ZCWPW2: variants seen among roughly 807,000 people sequenced by gnomAD.
ZCWPW2 encodes zinc finger CW-type PWWP domain protein 2.
In ZCWPW2, 45 loss-of-function variants were observed where a neutral mutation model predicts 46.6. That is an observed-to-expected ratio of 0.96 (90% CI 0.76 to 1.24). The LOEUF (loss-of-function observed/expected upper bound fraction) is 1.24. ZCWPW2 is among the 50% of genes most tolerant of loss of function. The probability of loss-of-function intolerance (pLI) is 0.00; values close to 1 mark genes in which losing one functional copy is unlikely to be tolerated. For synonymous variants in ZCWPW2, 152 were observed against 137.1 expected (o/e 1.11, Z -0.76); for missense variants, 429 against 403.9 (o/e 1.06, Z -0.53).
intron 8 of ZCWPW2, among the ~76,000 whole-genome samples, chr3:28,520,280 G>A (rs1205832739): frequency 2.0e-5 from 3 of 152,050 alleles, no homozygotes; most frequent in Admixed American, 6.6e-5. Flanking sequence ...GGGATTACAG[G>A]CGTAAGCATG....
intron 1 of ZCWPW2, among the ~76,000 whole-genome samples, chr3:28,357,797 T>TTATATATATATATATATATATATATA (rs3068920): frequency 6.4e-5 from 9 of 140,406 alleles, no homozygotes; most frequent in African/African-American, 2.4e-4. Flanking sequence ...TTGGTATATT[T>TTATATATATATATATATATATATATA]TATATATATA....
chr3:28,498,092 T>G (rs948083253), intron 6 of ZCWPW2, among the ~76,000 whole-genome samples: 1 of 152,016 alleles, frequency 6.6e-6, no homozygotes, highest in African/African-American at 2.4e-5. Flanking sequence ...ATAATAAATA[T>G]CTGAGTCAAG....
At chr3:28,403,278 A>C (rs1261231367) in intron 2 of ZCWPW2, among the ~76,000 whole-genome samples, 4 of 152,210 alleles carry the variant, frequency 2.6e-5, no homozygotes, top group African/African-American at 9.6e-5. Context: ...AATCAAATCA[A>C]GAACTCAACC....
chr3:28,435,584 C>T (rs1697450211), intron 4 of ZCWPW2, among the ~76,000 whole-genome samples: 1 of 149,092 alleles, frequency 6.7e-6, no homozygotes, highest in African/African-American at 2.5e-5. Flanking sequence ...CTCCTGGGTT[C>T]ACGCCATTCT....
At chr3:28,387,374 A>T (rs951341938) in intron 1 of ZCWPW2, among the ~76,000 whole-genome samples, 3 of 152,216 alleles carry the variant, frequency 2.0e-5, no homozygotes, top group African/African-American at 7.2e-5. Flanking sequence ...TTTAGAAGAT[A>T]TGAAAATTTA....
intron 4 of ZCWPW2, among the ~76,000 whole-genome samples, chr3:28,457,010 C>T (rs1157083240): frequency 6.6e-6 from 1 of 152,108 alleles, no homozygotes; most frequent in Non-Finnish European, 1.5e-5. Context: ...AGGAGTCCCT[C>T]CTTCTCTATT....
rs538068051 is a variant in ZCWPW2, at chr3:28,413,192, A to C, written c.124A>C (p.Arg42=). ...QCENENCLKW[R]LLSSEDSAKV... ...TGAGAATGAAAATTGTTTGAAATGG[A>C]GATTGTTATCAAGTGAGGATTCAGC... is the stretch of plus-strand genomic sequence containing the variant. The change falls in exon 3 of 10, where the codon AGA becomes CGA. Residue 42 remains arginine (R), a synonymous_variant. Transcript: ENST00000383768. 1 of 1,613,420 alleles carries C rather than the reference A, an allele frequency of 6.2e-7. No individual in the cohort carries two copies. Among genetic ancestry groups the C allele is most frequent in the East Asian group, 2.2e-5 (1 of 44,822 alleles).
chr3:28,513,947 G>A (rs956348367), intron 6 of ZCWPW2, 117 bp from the exon 7 acceptor site: 33 of 613,078 alleles, frequency 5.4e-5, no homozygotes, highest in South Asian at 4.8e-4. Context: ...GTTGTTTAGG[G>A]TTATCAGCCG....
chr3:28,373,879 C>T (rs1469168631), intron 1 of ZCWPW2, among the ~76,000 whole-genome samples: 35 of 152,030 alleles, frequency 2.3e-4, no homozygotes, highest in Non-Finnish European at 5.0e-4. Flanking sequence ...TTTGAGATCC[C>T]TATAGATTCT....
intron 3 of ZCWPW2, among the ~76,000 whole-genome samples, chr3:28,421,732 G>GTT (rs373384685): frequency 6.8e-6 from 1 of 146,892 alleles, no homozygotes; most frequent in African/African-American, 2.5e-5. Context: ...ATCTTTTTAT[G>GTT]TTTTTTTTTT....
chr3:28,369,402 G>T (rs935520143), intron 1 of ZCWPW2, among the ~76,000 whole-genome samples: 5 of 152,174 alleles, frequency 3.3e-5, no homozygotes, highest in Non-Finnish European at 7.3e-5. Flanking sequence ...CAGGTCTGTT[G>T]GAGTTTGCTG....
In ZCWPW2 at chr3:28,402,287, A is replaced by T. The variant is rs1695977337; in HGVS notation, c.-13-10769A>T. Among the ~76,000 whole-genome samples, 5 of 152,200 alleles carry T rather than the reference A, an allele frequency of 3.3e-5. No homozygotes were observed. In the South Asian group the frequency reaches 8.3e-4, roughly 25 times the overall value. On this transcript the variant is annotated intron_variant, in intron 2 of 9. Transcript: ENST00000383768. Reference sequence around the variant, plus strand: ...GAAATACAAAATATCATTCAAGGCTACTATGAACACCTTTACACACATAAA... The same window carrying T: ...GAAATACAAAATATCATTCAAGGCTTCTATGAACACCTTTACACACATAAA...
rs758939037 is a variant in ZCWPW2, at chr3:28,478,826, A to C, written c.505A>C (p.Lys169Gln). The change falls in exon 5 of 10, where the codon AAG becomes CAG. Residue 169 changes from lysine to glutamine, a missense_variant. Physicochemically the swap from Lys to Gln is moderately conservative, Grantham distance 53. Coordinates refer to ENST00000383768, the MANE Select transcript of ZCWPW2 (RefSeq NM_001040432.4). ...TGTATTTATATAGCCAGAAAAGTGT[A>C]AGAATAAAAAGAAGTGGTATAAAAG... is the stretch of plus-strand genomic sequence containing the variant. ...YSITLKPEKC[K>Q]NKKKWYKSAL... 6.1e-5 allele frequency: 94 copies of C among 1,541,020 alleles called. No homozygotes were observed. The Middle Eastern group carries it at 3.0e-3, about 49-fold the overall frequency.
At chr3:28,400,583 G>A (rs1695881649) in intron 2 of ZCWPW2, among the ~76,000 whole-genome samples, 1 of 152,198 alleles carries the variant, frequency 6.6e-6, no homozygotes, top group South Asian at 2.1e-4. Context: ...CAGATTGACA[G>A]GAGATTTCTC....
intron 1 of ZCWPW2, among the ~76,000 whole-genome samples, chr3:28,372,945 AT>A (rs1282891188): frequency 1.3e-5 from 2 of 152,202 alleles, no homozygotes; most frequent in Non-Finnish European, 2.9e-5. Flanking sequence ...TGCAAAAAAC[AT>A]GATTGCATTC....
rs1251685018 is a variant in ZCWPW2, at chr3:28,348,758, C to G, written c.-579C>G. The G allele has an allele frequency of 5.9e-6, 1 of 170,248 alleles. No homozygotes were observed. Among genetic ancestry groups the G allele is most frequent in the Non-Finnish European group, 1.2e-5 (1 of 84,166 alleles). 10.5% of individuals were successfully genotyped at this position (170,248 alleles called of 1,614,324 possible). On this transcript the variant is annotated 5_prime_UTR_variant, in exon 1 of 10. Coordinates refer to ENST00000383768, the MANE Select transcript of ZCWPW2 (RefSeq NM_001040432.4). ...GCTTCCACAGCGAAGGGAGCTGCTC[C>G]GGGCACGTCGCGGAGGGAGTCCCAT...
intron 2 of ZCWPW2, among the ~76,000 whole-genome samples, chr3:28,402,091 T>TGAAA (rs1695967079): frequency 2.0e-5 from 3 of 150,724 alleles, no homozygotes; most frequent in Admixed American, 2.0e-4. Flanking sequence ...TAAATGAAAT[T>TGAAA]GAAACAAACA....
intron 2 of ZCWPW2, among the ~76,000 whole-genome samples, chr3:28,411,611 A>G (rs1456036976): frequency 6.6e-6 from 1 of 152,068 alleles, no homozygotes; most frequent in Admixed American, 6.6e-5. Flanking sequence ...AAAGTCTAGC[A>G]AAGGGCAGAG....
chr3:28,401,637 C>G (rs1373273751), intron 2 of ZCWPW2, among the ~76,000 whole-genome samples: 1 of 152,110 alleles, frequency 6.6e-6, no homozygotes, highest in African/African-American at 2.4e-5. Flanking sequence ...AATATACATT[C>G]TTTTCAGCAG....
Sources: gnomAD v4.1 joint callset for allele counts (sites outside exome capture counted in the v4.1 genomes callset) on GRCh38, gnomAD v4.1.1 for gene constraint, MANE v1.5 for transcripts, NCBI Gene and HGNC (gene_info 2026-07-23, HGNC 2026-07-21) for gene names.